DOCK1: variants seen among roughly 807,000 people sequenced by gnomAD.
The protein encoded by DOCK1 is dedicator of cytokinesis protein 1.
DOCK1 carries 138 observed loss-of-function variants against 262.7 expected under a neutral mutation model. The observed-to-expected ratio is 0.53, with a 90% confidence interval of 0.46 to 0.61. The LOEUF is 0.61. Ranked by LOEUF, DOCK1 falls within the 20% of genes least tolerant of loss-of-function variation. The pLI is 0.00. For synonymous variants in DOCK1, 866 were observed against 867.4 expected, an observed-to-expected ratio of 1.00 and a Z score of 0.03; for missense variants, 1,908 against 2,370.7, an observed-to-expected ratio of 0.80 and a Z score of 4.05.
intron 38 of DOCK1, among the ~76,000 whole-genome samples, chr10:127,390,976 G>C (rs1336327905): frequency 6.6e-6 from 1 of 152,168 alleles, no homozygotes; most frequent in African/African-American, 2.4e-5. Context: ...CAAGAACATC[G>C]TCAGACCAGC....
At chr10:126,970,450 C>CA (rs1206953887) in intron 1 of DOCK1, among the ~76,000 whole-genome samples, 2 of 152,254 alleles carry the variant, frequency 1.3e-5, no homozygotes, top group East Asian at 3.9e-4. Context: ...ATACTGTTAA[C>CA]AATGTCTTCT....
chr10:127,428,714 ATGTGGATTGTGGTGTCC>A (rs1420585977), intron 47 of DOCK1, among the ~76,000 whole-genome samples: 28 of 118,462 alleles, frequency 2.4e-4, no homozygotes, highest in African/African-American at 8.7e-4. Flanking sequence ...GGACTGTGTC[ATGTGGATTGTGGTGTCC>A]TGTGGATTGG....
At chr10:126,949,882 G>C (rs2036041887) in intron 1 of DOCK1, among the ~76,000 whole-genome samples, 2 of 152,012 alleles carry the variant, frequency 1.3e-5, no homozygotes, top group South Asian at 2.1e-4. Context: ...GCTCTGTCTG[G>C]CTCTCGATGG....
intron 27 of DOCK1, among the ~76,000 whole-genome samples, chr10:127,186,628 A>AG (rs1280412217): frequency 2.0e-5 from 3 of 151,362 alleles, no homozygotes; most frequent in African/African-American, 7.3e-5. Context: ...ACCGTATCAG[A>AG]GGGGCATAAA....
intron 1 of DOCK1, among the ~76,000 whole-genome samples, chr10:126,969,486 C>T (rs1454544479): frequency 6.6e-6 from 1 of 152,200 alleles, no homozygotes; most frequent in Non-Finnish European, 1.5e-5. Context: ...GCTCTGCCCT[C>T]TGGTGGCTTT....
At chr10:127,114,060 G>T (rs1369476966) in intron 25 of DOCK1, among the ~76,000 whole-genome samples, 1 of 152,138 alleles carries the variant, frequency 6.6e-6, no homozygotes, top group Non-Finnish European at 1.5e-5. Context: ...TGCTTAAAAA[G>T]CCCCCTACAT....
At chr10:126,992,775 GACACACACACACAGACACAC>G (rs1449082574) in intron 6 of DOCK1, among the ~76,000 whole-genome samples, 1 of 134,896 alleles carries the variant, frequency 7.4e-6, no homozygotes, top group Non-Finnish European at 1.7e-5. Context: ...GACAGACACA[GACACACACACACAGACACAC>G]ACACACACAC....
Position 127,228,944 on chromosome 10 carries a change from C to T in DOCK1, c.2848-19064C>T, listed in dbSNP as rs182218667. On this transcript the variant is annotated intron_variant, in intron 27 of 51. Coordinates refer to ENST00000623213, the MANE Select transcript of DOCK1 (RefSeq NM_001290223.2). ...TGTGGTGAGAACACTTAAAAACTAC[C>T]GTCTTTGGCCGGGTGCAGTGGCTCA... Among the ~76,000 whole-genome samples the T allele has an allele frequency of 4.5e-3, 679 of 152,234 alleles. 2 individuals carry two copies. Among genetic ancestry groups the T allele is most frequent in the Non-Finnish European group, 6.9e-3 (472 of 68,012 alleles).
chr10:127,011,723 A>G (rs941596472), intron 11 of DOCK1, among the ~76,000 whole-genome samples: 2 of 151,716 alleles, frequency 1.3e-5, no homozygotes, highest in Non-Finnish European at 2.9e-5. Flanking sequence ...TTGAGGGACT[A>G]TTGTGTACGT....
At chr10:127,033,592 A>G (rs2043390513) in intron 18 of DOCK1, among the ~76,000 whole-genome samples, 1 of 152,112 alleles carries the variant, frequency 6.6e-6, no homozygotes, top group South Asian at 2.1e-4. Context: ...CCCGATACAG[A>G]TTTTGATTAT....
chr10:127,093,935 G>A (rs1341055024), intron 23 of DOCK1, among the ~76,000 whole-genome samples: 1 of 152,156 alleles, frequency 6.6e-6, no homozygotes, highest in Non-Finnish European at 1.5e-5. Flanking sequence ...GTCATCCCAT[G>A]GCAGAAGGTG....
chr10:127,441,403 G>T (rs2070121596), intron 49 of DOCK1, among the ~76,000 whole-genome samples: 1 of 152,190 alleles, frequency 6.6e-6, no homozygotes, highest in Non-Finnish European at 1.5e-5. Context: ...TCAGCATCTG[G>T]CCCAGTGTCA....
rs2070385920 is a variant in DOCK1 at position 127,444,299 on chromosome 10, C to T, written c.5413+20C>T. ...AGTCGAGTAAGTGGAACGCTCCCCA[C>T]ATACGAATCGTGCTATAGCTCCGTG... On this transcript the variant is annotated intron_variant, in intron 50 of 51. Transcript: ENST00000623213. 1 of 1,579,902 alleles carries T rather than the reference C, an allele frequency of 6.3e-7. No individual in the cohort carries two copies. The highest frequency in any genetic ancestry group is 2.2e-5 in the East Asian group (1 of 44,604).
intron 27 of DOCK1, among the ~76,000 whole-genome samples, chr10:127,186,216 G>A (rs1245608156): frequency 6.6e-6 from 1 of 152,196 alleles, no homozygotes; most frequent in East Asian, 1.9e-4. Context: ...AGAAATGCCT[G>A]AGACTGGGTT....
chr10:127,111,217 T>C (rs2048844408), intron 25 of DOCK1, among the ~76,000 whole-genome samples: 1 of 152,184 alleles, frequency 6.6e-6, no homozygotes, highest in Non-Finnish European at 1.5e-5. Context: ...CCTTCTGGGA[T>C]GCGAATTTTA....
intron 27 of DOCK1, among the ~76,000 whole-genome samples, chr10:127,212,232 G>T (rs1333816217): frequency 6.6e-6 from 1 of 152,052 alleles, no homozygotes; most frequent in Non-Finnish European, 1.5e-5. Flanking sequence ...CTTGGGTAAG[G>T]CATTAAATTA....
chr10:127,328,727 C>T (rs1001994085), intron 29 of DOCK1, among the ~76,000 whole-genome samples: 2 of 152,078 alleles, frequency 1.3e-5, no homozygotes, highest in African/African-American at 4.8e-5. Flanking sequence ...TTATTAATGC[C>T]CCACCTACTT....
chr10:127,250,029 T>A (rs1365384977), intron 28 of DOCK1, among the ~76,000 whole-genome samples: 1 of 152,180 alleles, frequency 6.6e-6, no homozygotes, highest in Non-Finnish European at 1.5e-5. Flanking sequence ...AACATTTTAT[T>A]CCATAATTGA....
chr10:126,961,708 TG>T (rs2037236160), intron 1 of DOCK1, among the ~76,000 whole-genome samples: 1 of 152,246 alleles, frequency 6.6e-6, no homozygotes, highest in Non-Finnish European at 1.5e-5. Context: ...GATATTCCAC[TG>T]TATGTATGTG....
Sources: allele counts gnomAD v4.1 joint callset (sites outside exome capture counted in the v4.1 genomes callset), GRCh38; gene constraint gnomAD v4.1.1; transcripts MANE v1.5; gene names NCBI Gene and HGNC (gene_info 2026-07-23, HGNC 2026-07-21).